Variants in XIRP2 observed in about 807,000 individuals in gnomAD.
XIRP2 encodes xin actin-binding repeat-containing protein 2.
A neutral mutation model predicts 277.0 loss-of-function variants in XIRP2; 236 were observed. That is an observed-to-expected ratio of 0.85 (90% CI 0.77 to 0.95). The LOEUF (loss-of-function observed/expected upper bound fraction) is 0.95. Ranked by LOEUF, XIRP2 falls within the 40% of genes least tolerant of loss-of-function variation. XIRP2 has a pLI of 0.00. For synonymous variants in XIRP2, 1,490 were observed against 1,416.5 expected (o/e 1.05, Z -1.17); for missense variants, 4,640 against 4,157.5 (o/e 1.12, Z -3.19).
intron 1 of XIRP2, among the ~76,000 whole-genome samples, chr2:166,901,223 T>C (rs772943297): frequency 1.4e-4 from 22 of 152,120 alleles, no homozygotes; most frequent in Non-Finnish European, 3.1e-4. Context: ...TCTGAGTTAC[T>C]GCTTCTTCCC....
At chr2:166,929,065 A>G (rs1313795250) in intron 2 of XIRP2, among the ~76,000 whole-genome samples, 1 of 152,066 alleles carries the variant, frequency 6.6e-6, no homozygotes, top group African/African-American at 2.4e-5. Context: ...CTGATCCCCA[A>G]CCAGCAGCCT....
At chr2:167,166,788 G>A (rs957026760) in intron 3 of XIRP2, among the ~76,000 whole-genome samples, 9 of 152,104 alleles carry the variant, frequency 5.9e-5, no homozygotes, top group Non-Finnish European at 8.8e-5. Flanking sequence ...CACCTTCCAC[G>A]AGGCCTCAAC....
At chr2:167,252,596 G>T (rs1404135293) in intron 9 of XIRP2, among the ~76,000 whole-genome samples, 1 of 151,810 alleles carries the variant, frequency 6.6e-6, no homozygotes, top group East Asian at 1.9e-4. Context: ...TCACAAATGA[G>T]CGTAAACAAT....
intron 2 of XIRP2, among the ~76,000 whole-genome samples, chr2:166,956,234 G>A (rs1686158492): frequency 6.6e-6 from 1 of 151,756 alleles, no homozygotes; most frequent in Non-Finnish European, 1.5e-5. Flanking sequence ...TGATGTGATT[G>A]GTCATTGATT....
chr2:167,058,794 G>A (rs1016411674), intron 2 of XIRP2, among the ~76,000 whole-genome samples: 4 of 152,196 alleles, frequency 2.6e-5, no homozygotes, highest in African/African-American at 7.2e-5. Flanking sequence ...GAATCAAGGT[G>A]AGAAATACAG....
intron 3 of XIRP2, among the ~76,000 whole-genome samples, chr2:167,142,101 T>G (rs1691737392): frequency 6.6e-6 from 1 of 152,108 alleles, no homozygotes; most frequent in East Asian, 1.9e-4. Flanking sequence ...GGTTTATCAG[T>G]CTGCACCTTG....
intron 2 of XIRP2, among the ~76,000 whole-genome samples, chr2:166,969,400 G>C (rs753729198): frequency 1.5e-4 from 23 of 151,940 alleles, no homozygotes; most frequent in Non-Finnish European, 2.8e-4. Context: ...ATATATGAAA[G>C]TAGTATATAA....
At chr2:166,937,564 G>C (rs1178807832) in intron 2 of XIRP2, among the ~76,000 whole-genome samples, 4 of 151,998 alleles carry the variant, frequency 2.6e-5, no homozygotes, top group Admixed American at 1.3e-4. Flanking sequence ...CTCTTTTTTT[G>C]TTGTGTCTCT....
chr2:167,221,575 G>A (rs921124629), intron 5 of XIRP2, among the ~76,000 whole-genome samples: 1 of 151,850 alleles, frequency 6.6e-6, no homozygotes, highest in Non-Finnish European at 1.5e-5. Flanking sequence ...GGCTATAGCA[G>A]GGAAAATGTA....
chr2:167,048,134 C>A (rs1688832192), intron 2 of XIRP2, among the ~76,000 whole-genome samples: 1 of 151,934 alleles, frequency 6.6e-6, no homozygotes. Flanking sequence ...CAGTGGGCAT[C>A]AGTTATACAA....
chr2:167,176,785 G>C (rs1333233717), intron 3 of XIRP2, among the ~76,000 whole-genome samples: 1 of 152,172 alleles, frequency 6.6e-6, no homozygotes, highest in East Asian at 1.9e-4. Context: ...ACATTAGTGA[G>C]TGGAATTGGA....
intron 2 of XIRP2, among the ~76,000 whole-genome samples, chr2:167,020,258 A>T (rs1342408627): frequency 6.6e-6 from 1 of 152,046 alleles, no homozygotes; most frequent in East Asian, 1.9e-4. Flanking sequence ...TTCAGGCCAA[A>T]GTTTATGAAT....
intron 2 of XIRP2, among the ~76,000 whole-genome samples, chr2:167,023,654 G>A (rs1198789692): frequency 2.0e-5 from 3 of 151,918 alleles, no homozygotes; most frequent in Non-Finnish European, 4.4e-5. Context: ...GAAGGGATCT[G>A]GTTTCAGCTT....
intron 3 of XIRP2, among the ~76,000 whole-genome samples, chr2:167,142,972 A>AAGATGGAG (rs1046669824): frequency 4.6e-5 from 7 of 152,200 alleles, no homozygotes; most frequent in Admixed American, 3.9e-4. Context: ...GAGAGAGAAA[A>AAGATGGAG]AGATGGAGAG....
intron 2 of XIRP2, among the ~76,000 whole-genome samples, chr2:167,067,501 T>G (rs542006827): frequency 6.6e-6 from 1 of 152,296 alleles, no homozygotes; most frequent in African/African-American, 2.4e-5. Flanking sequence ...TCAAGACCAC[T>G]GCAATAAAGT....
intron 3 of XIRP2, among the ~76,000 whole-genome samples, chr2:167,186,909 T>C (rs1196276653): frequency 6.6e-6 from 1 of 152,220 alleles, no homozygotes; most frequent in Non-Finnish European, 1.5e-5. Context: ...ACTAATGTTT[T>C]ACATATCTAA....
chr2:167,237,934 G>A (rs1694950664), intron 5 of XIRP2, among the ~76,000 whole-genome samples: 1 of 152,154 alleles, frequency 6.6e-6, no homozygotes, highest in African/African-American at 2.4e-5. Context: ...GTCAATGATT[G>A]TTATTGCTGT....
intron 2 of XIRP2, among the ~76,000 whole-genome samples, chr2:167,044,189 T>G (rs1479074497): frequency 6.6e-6 from 1 of 152,156 alleles, no homozygotes; most frequent in East Asian, 1.9e-4. Context: ...ATCATCTCAA[T>G]AGGTACAGAA....
chr2:167,168,553 T>C (rs1692588208), intron 3 of XIRP2, among the ~76,000 whole-genome samples: 1 of 152,244 alleles, frequency 6.6e-6, no homozygotes, highest in Admixed American at 6.5e-5. Flanking sequence ...TCTTCAATTC[T>C]GTTATAGTGT....
Sources: gnomAD v4.1 joint callset for allele counts (sites outside exome capture counted in the v4.1 genomes callset) on GRCh38, gnomAD v4.1.1 for gene constraint, MANE v1.5 for transcripts, NCBI Gene and HGNC (gene_info 2026-07-23, HGNC 2026-07-21) for gene names.